Variants in TRAPPC8 observed in about 807,000 individuals in gnomAD.
The protein encoded by TRAPPC8 is general sporulation gene 1 homolog.
TRAPPC8 carries 54 observed loss-of-function variants against 174.3 expected under a neutral mutation model. That is an observed-to-expected ratio of 0.31 (90% CI 0.25 to 0.39). TRAPPC8 has a LOEUF of 0.39. Among genes scored for constraint, TRAPPC8 ranks in the 10% least tolerant of loss-of-function variants. TRAPPC8 has a pLI of 1.00. For synonymous variants in TRAPPC8, 630 were observed against 579.9 expected (o/e 1.09, Z -1.24); for missense variants, 1,531 against 1,699.1 (o/e 0.90, Z 1.74).
chr18:31,902,779 G>A (rs779346346), intron 9 of TRAPPC8, among the ~76,000 whole-genome samples: 11 of 152,054 alleles, frequency 7.2e-5, no homozygotes, highest in Admixed American at 1.3e-4. Context: ...GGCCAGGCGC[G>A]GTGGCTCACG....
rs1417422327 is a variant in TRAPPC8, at chr18:31,830,228, G to A, written c.*527C>T. The A allele has an allele frequency of 6.6e-6, 1 of 152,604 alleles. No individual in the cohort carries two copies. Among genetic ancestry groups the A allele is most frequent in the Non-Finnish European group, 1.5e-5 (1 of 68,108 alleles). The allele number at this position is 152,604 out of a possible 1,614,324, so 9.5% of individuals were successfully genotyped here. ...TTTCTTTTTACAAAGTTATGTATAA[G>A]TCATAGGGACCACCAAATACTGAAA... On this transcript the variant is annotated 3_prime_UTR_variant, in exon 29 of 29. Transcript: ENST00000283351.
intron 11 of TRAPPC8, chr18:31,896,459 G>A (rs2036189354): frequency 7.1e-6 from 1 of 141,018 alleles, no homozygotes; most frequent in South Asian, 2.2e-4. Flanking sequence ...ATTACAGACA[G>A]GATATGAGAA....
intron 17 of TRAPPC8, 151 bp downstream of exon 17, chr18:31,867,251 T>G: frequency 1.4e-6 from 1 of 697,102 alleles, no homozygotes; most frequent in East Asian, 2.8e-5. Context: ...AACCACCAAT[T>G]TCCTCCTGAG....
intron 2 of TRAPPC8, among the ~76,000 whole-genome samples, chr18:31,927,857 A>G (rs1477768973): frequency 6.6e-6 from 1 of 152,160 alleles, no homozygotes; most frequent in African/African-American, 2.4e-5. Context: ...AGACCAGCCT[A>G]GGCAACATAG....
intron 2 of TRAPPC8, among the ~76,000 whole-genome samples, chr18:31,920,440 T>A (rs776655174): frequency 3.3e-5 from 5 of 152,196 alleles, no homozygotes; most frequent in Admixed American, 6.5e-5. Flanking sequence ...ATAGTCTAAT[T>A]AGAAGAGTTA....
At chr18:31,931,228 A>C in intron 2 of TRAPPC8, 101 bp downstream of exon 2, 2 of 1,132,242 alleles carry the variant, frequency 1.8e-6, no homozygotes, top group East Asian at 2.5e-5. Flanking sequence ...AGCACTTAGT[A>C]AACTCTTAAA....
At position 31,870,383 on chromosome 18, in the gene TRAPPC8, C is replaced by T. The variant is rs1346620339; in HGVS notation, c.2377G>A (p.Val793Ile). 1.9e-6 allele frequency: 3 copies of T among 1,607,242 alleles called. No homozygotes were observed. Among genetic ancestry groups the T allele is most frequent in the Admixed American group, 3.4e-5 (2 of 58,720 alleles). Residue 793 changes from valine to isoleucine, a missense_variant, in exon 16 of 29, where the codon GTT (valine) becomes ATT (isoleucine). Transcript: ENST00000283351. ...TTTTAATAACTTACTAGTTGTTTAA[C>T]TTCTTCATTATCCTTTCCACTGAAA... ...KDFSGKDNEE[V>I]KQLVTSEPEM... is the part of the protein sequence containing the mutation.
chr18:31,933,626 A>T (rs978471160), intron 1 of TRAPPC8, among the ~76,000 whole-genome samples: 8 of 152,158 alleles, frequency 5.3e-5, no homozygotes, highest in African/African-American at 1.7e-4. Flanking sequence ...TATCACATAC[A>T]AATAAGAGGC....
At chr18:31,848,709 C>T (rs1426795609) in intron 25 of TRAPPC8, among the ~76,000 whole-genome samples, 1 of 152,116 alleles carries the variant, frequency 6.6e-6, no homozygotes, top group Non-Finnish European at 1.5e-5. Context: ...ATGTCTCTTG[C>T]ATCAAACAAC....
At chr18:31,899,930 G>T (rs1375777148) in intron 10 of TRAPPC8, among the ~76,000 whole-genome samples, 7 of 151,264 alleles carry the variant, frequency 4.6e-5, no homozygotes, top group African/African-American at 1.7e-4. Context: ...GGGTGACAAT[G>T]CGAGACTGTC....
chr18:31,916,781 G>A (rs985626220), intron 3 of TRAPPC8, among the ~76,000 whole-genome samples: 2 of 143,800 alleles, frequency 1.4e-5, no homozygotes, highest in East Asian at 2.1e-4. Context: ...TAACCCGCCC[G>A]CCTCAGCCTC....
intron 12 of TRAPPC8, among the ~76,000 whole-genome samples, chr18:31,886,414 TGATA>T (rs1240446497): frequency 6.0e-5 from 9 of 150,772 alleles, no homozygotes; most frequent in South Asian, 2.1e-4. Context: ...TATTAAAAAC[TGATA>T]GATATAGAAA....
intron 28 of TRAPPC8, among the ~76,000 whole-genome samples, chr18:31,831,522 C>G (rs868169806): frequency 2.6e-4 from 39 of 152,194 alleles, no homozygotes; most frequent in African/African-American, 9.4e-4. Context: ...ATTTAATGCC[C>G]TAAGAGTTAG....
chr18:31,854,921 G>A (rs1299117895), intron 21 of TRAPPC8, among the ~76,000 whole-genome samples: 8 of 137,150 alleles, frequency 5.8e-5, no homozygotes, highest in African/African-American at 1.7e-4. Context: ...AGCAGAGATC[G>A]CGCCACTGCA....
intron 19 of TRAPPC8, among the ~76,000 whole-genome samples, chr18:31,862,339 AT>A (rs1269448495): frequency 1.3e-5 from 2 of 150,392 alleles, no homozygotes; most frequent in Non-Finnish European, 3.0e-5. Flanking sequence ...GGCTTGCCAG[AT>A]TAAAAAAAAA....
At chr18:31,926,935 T>C (rs1483554992) in intron 2 of TRAPPC8, among the ~76,000 whole-genome samples, 2 of 152,090 alleles carry the variant, frequency 1.3e-5, no homozygotes, top group South Asian at 2.1e-4. Flanking sequence ...ATAAAACTTA[T>C]TTAAATTTAA....
At chr18:31,915,251 C>G (rs1463114343) in intron 4 of TRAPPC8, among the ~76,000 whole-genome samples, 1 of 146,202 alleles carries the variant, frequency 6.8e-6, no homozygotes, top group Non-Finnish European at 1.5e-5. Context: ...GGCAGATCAC[C>G]TGAGTTCCAG....
intron 12 of TRAPPC8, among the ~76,000 whole-genome samples, chr18:31,888,291 T>C (rs1164376336): frequency 2.0e-5 from 3 of 152,068 alleles, no homozygotes; most frequent in South Asian, 2.1e-4. Context: ...CCCAGCACTC[T>C]GGGAGGCTGA....
intron 9 of TRAPPC8, among the ~76,000 whole-genome samples, chr18:31,906,979 G>A (rs1195562769): frequency 6.6e-6 from 1 of 151,344 alleles, no homozygotes; most frequent in Non-Finnish European, 1.5e-5. Flanking sequence ...TGTTTGTCAA[G>A]GTTTAAAAAA....
Sources: allele counts gnomAD v4.1 joint callset (sites outside exome capture counted in the v4.1 genomes callset), GRCh38; gene constraint gnomAD v4.1.1; transcripts MANE v1.5; gene names NCBI Gene and HGNC (gene_info 2026-07-23, HGNC 2026-07-21).